Variants in FGF14 observed in about 807,000 individuals in gnomAD.
The protein encoded by FGF14 is fibroblast growth factor 14, also known as fibroblast growth factor homologous factor 4.
In FGF14, 5 loss-of-function variants were observed where a neutral mutation model predicts 25.5. That is an observed-to-expected ratio of 0.20 (90% CI 0.10 to 0.41). The LOEUF (loss-of-function observed/expected upper bound fraction) is 0.41, where lower values mean the gene tolerates loss of function less well. Ranked by LOEUF, FGF14 falls within the 10% of genes least tolerant of loss-of-function variation. FGF14 has a pLI of 1.00. For synonymous variants in FGF14, 138 were observed against 118.3 expected, an observed-to-expected ratio of 1.17 and a Z score of -1.08; for missense variants, 222 against 320.1, an observed-to-expected ratio of 0.69 and a Z score of 2.34.
At chr13:102,335,501 A>G (rs989335828) in intron 1 of FGF14, among the ~76,000 whole-genome samples, 2 of 152,176 alleles carry the variant, frequency 1.3e-5, no homozygotes, top group East Asian at 3.9e-4. Context: ...CCACCAAGAA[A>G]TAAAATATAG....
At chr13:102,212,023 G>A (rs996906850) in intron 1 of FGF14, among the ~76,000 whole-genome samples, 3 of 152,148 alleles carry the variant, frequency 2.0e-5, no homozygotes, top group African/African-American at 7.2e-5. Flanking sequence ...TTTTCCGAAA[G>A]AGCACTTAGG....
chr13:101,806,759 A>C (rs1198453372), intron 3 of FGF14, among the ~76,000 whole-genome samples: 1 of 152,120 alleles, frequency 6.6e-6, no homozygotes, highest in Non-Finnish European at 1.5e-5. Context: ...TTTCTTTCTA[A>C]CATTAACAGT....
chr13:101,911,940 C>T (rs1039151863), intron 1 of FGF14, among the ~76,000 whole-genome samples: 1 of 150,366 alleles, frequency 6.7e-6, no homozygotes, highest in Non-Finnish European at 1.5e-5. Context: ...CCAAAACAAA[C>T]AAGCATGTGG....
chr13:102,262,724 T>C (rs2052776195), intron 1 of FGF14, among the ~76,000 whole-genome samples: 1 of 152,198 alleles, frequency 6.6e-6, no homozygotes, highest in South Asian at 2.1e-4. Flanking sequence ...CTTTCACTGA[T>C]ATTTGGACTT....
At chr13:102,134,554 A>AATATGAATCATTTTGGT (rs1343047250) in intron 1 of FGF14, among the ~76,000 whole-genome samples, 1 of 152,206 alleles carries the variant, frequency 6.6e-6, no homozygotes, top group Non-Finnish European at 1.5e-5. Context: ...CAATAGAGTT[A>AATATGAATCATTTTGGT]ATATGAATCA....
intron 1 of FGF14, among the ~76,000 whole-genome samples, chr13:102,284,315 T>C (rs2053987490): frequency 6.6e-6 from 1 of 152,208 alleles, no homozygotes. Context: ...AAGGACTCTA[T>C]GAAGTCCTCA....
intron 3 of FGF14, among the ~76,000 whole-genome samples, chr13:101,827,616 T>C (rs542099350): frequency 6.6e-6 from 1 of 152,088 alleles, no homozygotes; most frequent in South Asian, 2.1e-4. Context: ...CAATTATTTT[T>C]GTGGTTTATT....
intron 3 of FGF14, among the ~76,000 whole-genome samples, chr13:101,800,205 C>T (rs1353902105): frequency 6.6e-6 from 1 of 152,014 alleles, no homozygotes; most frequent in Non-Finnish European, 1.5e-5. Flanking sequence ...GTGGGACTAC[C>T]CTCCCCTTTG....
At chr13:101,910,709 GT>G (rs2032828566) in intron 1 of FGF14, among the ~76,000 whole-genome samples, 1 of 152,074 alleles carries the variant, frequency 6.6e-6, no homozygotes, top group Admixed American at 6.6e-5. Context: ...TGTGATCTGA[GT>G]TTCTTAAATT....
At chr13:102,334,939 T>G (rs2138859760) in intron 1 of FGF14, among the ~76,000 whole-genome samples, 1 of 152,198 alleles carries the variant, frequency 6.6e-6, no homozygotes, top group East Asian at 1.9e-4. Flanking sequence ...CAATCCACAG[T>G]AAGACCCCAA....
intron 3 of FGF14, among the ~76,000 whole-genome samples, chr13:101,800,023 C>G (rs1223586551): frequency 6.6e-6 from 1 of 151,906 alleles, no homozygotes; most frequent in Non-Finnish European, 1.5e-5. Flanking sequence ...AGGAATGTTC[C>G]CTACCTACTT....
chr13:102,113,627 C>A (rs2045334423), intron 1 of FGF14, among the ~76,000 whole-genome samples: 1 of 152,186 alleles, frequency 6.6e-6, no homozygotes, highest in African/African-American at 2.4e-5. Context: ...CCCAGACCCA[C>A]CAGTTCCAAA....
At chr13:101,975,548 T>C (rs1472422984) in intron 1 of FGF14, among the ~76,000 whole-genome samples, 1 of 152,220 alleles carries the variant, frequency 6.6e-6, no homozygotes, top group African/African-American at 2.4e-5. Flanking sequence ...ATGGTTTACC[T>C]GCTTAAACAC....
intron 1 of FGF14, among the ~76,000 whole-genome samples, chr13:102,136,681 G>A (rs1480148935): frequency 6.7e-6 from 1 of 150,262 alleles, no homozygotes; most frequent in African/African-American, 2.4e-5. Context: ...AAAAAAACCT[G>A]AGACTGATAA....
chr13:101,910,136 T>C (rs528787856), intron 1 of FGF14, among the ~76,000 whole-genome samples: 136 of 152,166 alleles, frequency 8.9e-4, no homozygotes, highest in Non-Finnish European at 1.5e-3. Context: ...GAGATATACC[T>C]AATGTTAAAT....
At chr13:102,228,722 T>G (rs747091743) in intron 1 of FGF14, among the ~76,000 whole-genome samples, 1 of 152,212 alleles carries the variant, frequency 6.6e-6, no homozygotes, top group Non-Finnish European at 1.5e-5. Context: ...AGAATCCTCC[T>G]GTTATTGCAC....
chr13:102,265,393 G>A (rs923259004), intron 1 of FGF14, among the ~76,000 whole-genome samples: 2 of 152,116 alleles, frequency 1.3e-5, no homozygotes, highest in African/African-American at 4.8e-5. Context: ...GATATGCACT[G>A]TTGTCGATCT....
At chr13:101,889,436 A>G (rs775602735) in intron 1 of FGF14, among the ~76,000 whole-genome samples, 1 of 152,178 alleles carries the variant, frequency 6.6e-6, no homozygotes, top group Non-Finnish European at 1.5e-5. Context: ...TTTAAGTACT[A>G]TGATATGTTT....
intron 1 of FGF14, among the ~76,000 whole-genome samples, chr13:102,174,212 G>A (rs1161541983): frequency 4.7e-5 from 7 of 149,552 alleles, no homozygotes; most frequent in African/African-American, 1.7e-4. Context: ...TCGGCTCACT[G>A]CAACCTCTGT....
Sources: allele counts gnomAD v4.1 joint callset (sites outside exome capture counted in the v4.1 genomes callset), GRCh38; gene constraint gnomAD v4.1.1; transcripts MANE v1.5; gene names NCBI Gene and HGNC (gene_info 2026-07-23, HGNC 2026-07-21).